The following SIDT1 variants were observed in gnomAD, a reference collection of about 807,000 sequenced individuals.
SIDT1 encodes the protein SID1 transmembrane family, member 1.
Under a neutral mutation model 107.5 loss-of-function variants are expected in SIDT1, and 101 were observed. The ratio of observed to expected loss-of-function variants is 0.94; its 90% CI spans 0.80 to 1.11. SIDT1 has a LOEUF of 1.11. Ranked by LOEUF, SIDT1 falls within the 50% of genes least tolerant of loss-of-function variation. The pLI is 0.00. For missense variants in SIDT1, 1,076 were observed against 1,058.2 expected, an observed-to-expected ratio of 1.02 and a Z score of -0.23; for synonymous variants, 395 against 398.2, an observed-to-expected ratio of 0.99 and a Z score of 0.10.
intron 1 of SIDT1, among the ~76,000 whole-genome samples, chr3:113,551,472 A>T (rs1281403954): frequency 6.6e-6 from 1 of 152,240 alleles, no homozygotes; most frequent in Non-Finnish European, 1.5e-5. Context: ...TTTCCTCAAG[A>T]TAGTTGTACT....
At chr3:113,545,588 A>G (rs1007764712) in intron 1 of SIDT1, among the ~76,000 whole-genome samples, 2 of 152,248 alleles carry the variant, frequency 1.3e-5, no homozygotes, top group African/African-American at 4.8e-5. Context: ...AGGAATCACA[A>G]GGAAAGATGA....
At chr3:113,601,728 C>G in intron 11 of SIDT1, 69 bp downstream of exon 11, 1 of 1,084,044 alleles carries the variant, frequency 9.2e-7, no homozygotes. Context: ...GAAAGGCATT[C>G]CAGCCACTAA....
At chr3:113,608,912 G>A (rs1044944743) in intron 17 of SIDT1, among the ~76,000 whole-genome samples, 1 of 152,144 alleles carries the variant, frequency 6.6e-6, no homozygotes, top group Non-Finnish European at 1.5e-5. Context: ...GCAGCCCCTG[G>A]CTTCGTAGTT....
chr3:113,576,473 C>T (rs1942909018), intron 3 of SIDT1, among the ~76,000 whole-genome samples: 2 of 152,038 alleles, frequency 1.3e-5, no homozygotes, highest in African/African-American at 4.8e-5. Flanking sequence ...TAAAAGGTGA[C>T]CCATTTTGCC....
chr3:113,568,931 C>G lies in SIDT1; in HGVS notation c.515+1221C>G, dbSNP rs139393711. Among the ~76,000 whole-genome samples, 1,313 of 151,746 alleles carry G rather than the reference C, an allele frequency of 8.7e-3. 5 individuals are homozygous for G. Among genetic ancestry groups the G allele is most frequent in the Middle Eastern group, 0.017 (5 of 290 alleles). On this transcript the variant is annotated intron_variant, in intron 3 of 24. Coordinates refer to ENST00000264852, the MANE Select transcript of SIDT1 (RefSeq NM_017699.3). ...GGTGGATCACCTGAGGTCAGGAGAG[C>G]GAGACCAGCCTGACCAACATGGTGA... is the stretch of plus-strand genomic sequence containing the variant.
At chr3:113,586,149 C>T (rs1422590947) in intron 9 of SIDT1, among the ~76,000 whole-genome samples, 2 of 152,102 alleles carry the variant, frequency 1.3e-5, no homozygotes, top group African/African-American at 4.8e-5. Context: ...AAATAACTGC[C>T]TCGATGACCT....
At chr3:113,552,475 G>C (rs1002780530) in intron 1 of SIDT1, among the ~76,000 whole-genome samples, 1 of 152,022 alleles carries the variant, frequency 6.6e-6, no homozygotes, top group African/African-American at 2.4e-5. Context: ...ACAACAGAAA[G>C]CAACTGGCAA....
intron 3 of SIDT1, among the ~76,000 whole-genome samples, chr3:113,568,688 A>G (rs1485748125): frequency 6.6e-6 from 1 of 152,166 alleles, no homozygotes; most frequent in Non-Finnish European, 1.5e-5. Flanking sequence ...CCAAATTGCT[A>G]TAATTTGAAA....
At chr3:113,594,604 TA>T (rs982883262) in intron 10 of SIDT1, among the ~76,000 whole-genome samples, 1 of 152,136 alleles carries the variant, frequency 6.6e-6, no homozygotes, top group Non-Finnish European at 1.5e-5. Flanking sequence ...CATTGAAGCA[TA>T]AGTGGACAAA....
At chr3:113,626,441 A>G (rs1490342760) in intron 24 of SIDT1, among the ~76,000 whole-genome samples, 1 of 152,058 alleles carries the variant, frequency 6.6e-6, no homozygotes, top group East Asian at 1.9e-4. Flanking sequence ...ACACAGAGGG[A>G]CAAAATTACT....
downstream of SIDT1, among the ~76,000 whole-genome samples, chr3:113,633,182 C>T (rs1305253519): frequency 6.6e-6 from 1 of 152,104 alleles, no homozygotes; most frequent in African/African-American, 2.4e-5. Context: ...CTTTCTCTGT[C>T]TATGGTTCCC....
chr3:113,624,022 T>G (rs1279972019), intron 23 of SIDT1, among the ~76,000 whole-genome samples: 1 of 152,228 alleles, frequency 6.6e-6, no homozygotes, highest in Non-Finnish European at 1.5e-5. Context: ...TCAAAAGCCT[T>G]GAGTAGTTCA....
chr3:113,605,424 C>G (rs1021634191), intron 14 of SIDT1, among the ~76,000 whole-genome samples: 2 of 152,174 alleles, frequency 1.3e-5, no homozygotes, highest in African/African-American at 2.4e-5. Flanking sequence ...CCACACCCAG[C>G]CCATTGCTTC....
In SIDT1 at chr3:113,584,868, A is replaced by G. The variant is rs1943626087; in HGVS notation, c.907+99A>G. On this transcript the variant is annotated intron_variant, in intron 8 of 24. Transcript: ENST00000264852. ...TCATCCTTCCAGAGAGAATTGTCAT[A>G]AGAAAACTAAAGTATATTTACCTTA... 4 of 853,580 alleles carry G rather than the reference A, an allele frequency of 4.7e-6. No individual in the cohort carries two copies. In the East Asian group the frequency reaches 1.0e-4, roughly 22 times the overall value. The allele number at this position is 853,580 out of a possible 1,614,324, so 52.9% of individuals were successfully genotyped here.
chr3:113,624,603 A>G (rs760201638), intron 23 of SIDT1, among the ~76,000 whole-genome samples: 7 of 152,322 alleles, frequency 4.6e-5, no homozygotes, highest in Non-Finnish European at 8.8e-5. Flanking sequence ...ATATACATAT[A>G]AAATTTACCA....
At chr3:113,541,513 C>T (rs942732387) in intron 1 of SIDT1, among the ~76,000 whole-genome samples, 2 of 152,122 alleles carry the variant, frequency 1.3e-5, no homozygotes, top group African/African-American at 4.8e-5. Context: ...TTAATGTCAT[C>T]CAATCATTTC....
At chr3:113,535,959 C>T (rs1938107920) in intron 1 of SIDT1, among the ~76,000 whole-genome samples, 1 of 152,138 alleles carries the variant, frequency 6.6e-6, no homozygotes, top group Non-Finnish European at 1.5e-5. Context: ...TATCAGCAGC[C>T]CCTTCTTGCA....
chr3:113,605,124 C>CT (rs5851901), intron 14 of SIDT1, 148 bp downstream of exon 14: 4,749 of 346,200 alleles, frequency 0.014, 2 homozygotes, highest in Middle Eastern at 0.025. Flanking sequence ...ATTGCTTCCT[C>CT]TTTTTTTTTT....
intron 1 of SIDT1, among the ~76,000 whole-genome samples, chr3:113,537,877 G>A (rs1938362028): frequency 6.6e-6 from 1 of 152,208 alleles, no homozygotes; most frequent in African/African-American, 2.4e-5. Flanking sequence ...CTGCCTCCCA[G>A]GTTCAAGTGA....
Sources: allele counts gnomAD v4.1 joint callset (sites outside exome capture counted in the v4.1 genomes callset), GRCh38; gene constraint gnomAD v4.1.1; transcripts MANE v1.5; gene names NCBI Gene and HGNC (gene_info 2026-07-23, HGNC 2026-07-21).